Variants in ARHGAP31 observed in about 807,000 individuals in gnomAD.
The protein encoded by ARHGAP31 is rho GTPase-activating protein 31.
A neutral mutation model predicts 113.9 loss-of-function variants in ARHGAP31; 34 were observed. That is an observed-to-expected ratio of 0.30 (90% CI 0.23 to 0.40). ARHGAP31 has a LOEUF of 0.40. Among genes scored for constraint, ARHGAP31 ranks in the 10% least tolerant of loss-of-function variants. The pLI is 1.00. For synonymous variants in ARHGAP31, 650 were observed against 684.8 expected (o/e 0.95, Z 0.79); for missense variants, 1,548 against 1,767.1 (o/e 0.88, Z 2.22).
chr3:119,341,839 T>C (rs2080010957), intron 1 of ARHGAP31: 1 of 151,568 alleles, frequency 6.6e-6, no homozygotes, highest in Admixed American at 6.6e-5. Flanking sequence ...TTTTTTTTAA[T>C]ATGGAACGCT....
chr3:119,300,051 T>C (rs952483723), intron 1 of ARHGAP31, among the ~76,000 whole-genome samples: 3 of 152,222 alleles, frequency 2.0e-5, no homozygotes, highest in South Asian at 4.1e-4. Flanking sequence ...CAGGTGCCCC[T>C]GCTGGAGGAT....
chr3:119,347,489 C>T (rs183714147), intron 1 of ARHGAP31, among the ~76,000 whole-genome samples: 1 of 152,302 alleles, frequency 6.6e-6, no homozygotes, highest in Non-Finnish European at 1.5e-5. Flanking sequence ...TGGGTCACCC[C>T]ATGCCTGGAT....
At chr3:119,311,284 T>C (rs754333268) in intron 1 of ARHGAP31, among the ~76,000 whole-genome samples, 4 of 152,332 alleles carry the variant, frequency 2.6e-5, no homozygotes, top group South Asian at 4.1e-4. Flanking sequence ...GGTTTGTTTC[T>C]GCAGGCTCTA....
chr3:119,310,407 GGTGCAGACT>G (rs2079669472), intron 1 of ARHGAP31, among the ~76,000 whole-genome samples: 1 of 152,144 alleles, frequency 6.6e-6, no homozygotes, highest in Non-Finnish European at 1.5e-5. Flanking sequence ...TTGGTAATAT[GGTGCAGACT>G]GGGGGTCCCC....
At chr3:119,333,776 A>G (rs1008256909) in intron 1 of ARHGAP31, among the ~76,000 whole-genome samples, 1 of 152,194 alleles carries the variant, frequency 6.6e-6, no homozygotes, top group Non-Finnish European at 1.5e-5. Context: ...TCTTTTCACC[A>G]TGCTGCCTCT....
chr3:119,385,599 CA>C (rs2080442832), intron 6 of ARHGAP31, among the ~76,000 whole-genome samples: 1 of 152,094 alleles, frequency 6.6e-6, no homozygotes. Flanking sequence ...TTTGAGCCCA[CA>C]AAAAATTTAT....
At chr3:119,297,087 C>T (rs1396399649) in intron 1 of ARHGAP31, among the ~76,000 whole-genome samples, 1 of 152,264 alleles carries the variant, frequency 6.6e-6, no homozygotes, top group Admixed American at 6.5e-5. Context: ...ATGATCCACA[C>T]ACTGTTATTG....
At chr3:119,351,984 A>C (rs2107617037) in intron 1 of ARHGAP31, among the ~76,000 whole-genome samples, 1 of 152,294 alleles carries the variant, frequency 6.6e-6, no homozygotes, top group South Asian at 2.1e-4. Context: ...CTGGGGATTG[A>C]CTGAGATCTT....
chr3:119,389,464 C>T (rs986891244), intron 6 of ARHGAP31, among the ~76,000 whole-genome samples: 4 of 152,106 alleles, frequency 2.6e-5, no homozygotes, highest in Non-Finnish European at 5.9e-5. Flanking sequence ...ATTTTTAACC[C>T]TCTTTGGATC....
rs114597100 is a variant in ARHGAP31 at position 119,382,914 on chromosome 3, G to A, written c.540-170G>A. Among the ~76,000 whole-genome samples, 1,739 of 152,224 alleles carry A rather than the reference G, an allele frequency of 0.011. 32 individuals carry two copies. Among genetic ancestry groups the A allele is most frequent in the African/African-American group, 0.038 (1,588 of 41,528 alleles). ...TGTTTCAAATTTGTTCAGTTTATTG[G>A]GCTTCACAGCCTTTGGAGAGTTCCT... On this transcript the variant is annotated intron_variant, in intron 5 of 11. Coordinates refer to ENST00000264245, the MANE Select transcript of ARHGAP31 (RefSeq NM_020754.4).
In ARHGAP31 at chr3:119,332,418, T is replaced by C. The variant is rs191688608; in HGVS notation, c.101-32898T>C. 3.5e-3 allele frequency among the ~76,000 whole-genome samples: 538 copies of C among 152,134 alleles called. 6 individuals carry two copies. The highest frequency in any genetic ancestry group is 0.013 in the African/African-American group (526 of 41,506). On this transcript the variant is annotated intron_variant, in intron 1 of 11. Transcript: ENST00000264245. ...TTTCATCATGTTGGCCAGGCTGGTC[T>C]TGAACTCCTGACCTCAGGTGATCCA...
In ARHGAP31 at chr3:119,409,457, G is replaced by A. The variant is rs561375887; in HGVS notation, c.1646-39G>A. On this transcript the variant is annotated intron_variant, in intron 10 of 11. Transcript: ENST00000264245. The stretch of plus-strand genomic sequence containing the variant: ...TGTTGGGAAGAGTCTCTCTTGAAAT[G>A]AAGTCTCCTTTAACTGATAACTCTC... 39 of 1,612,308 alleles carry A rather than the reference G, an allele frequency of 2.4e-5. No homozygotes were observed. The South Asian group carries it at 4.2e-4, about 17-fold the overall frequency.
chr3:119,295,097 A>C (rs1282499114), intron 1 of ARHGAP31, 93 bp downstream of exon 1: 3 of 1,190,822 alleles, frequency 2.5e-6, no homozygotes, highest in Non-Finnish European at 3.7e-6. Context: ...TCGGTTCACA[A>C]GTTAATGTAT....
Position 119,294,641 on chromosome 3 carries a change from A to C in ARHGAP31, c.-264A>C. On this transcript the variant is annotated 5_prime_UTR_variant, in exon 1 of 12. Coordinates refer to ENST00000264245, the MANE Select transcript of ARHGAP31 (RefSeq NM_020754.4). Reference sequence around the variant, plus strand: ...CTAGGACTCCAAGTGAGGAAGTGACACTCCCAGGCGAGCCGGCCCGCGGCT... The same window carrying C: ...CTAGGACTCCAAGTGAGGAAGTGACCCTCCCAGGCGAGCCGGCCCGCGGCT... The C allele has an allele frequency of 1.8e-6, 1 of 559,536 alleles. No individual in the cohort carries two copies. 34.7% of individuals were successfully genotyped at this position (559,536 alleles called of 1,614,324 possible).
intron 3 of ARHGAP31, among the ~76,000 whole-genome samples, chr3:119,373,211 CA>C (rs934543816): frequency 4.1e-4 from 63 of 152,002 alleles, no homozygotes; most frequent in African/African-American, 1.5e-3. Flanking sequence ...ATAAAGATGA[CA>C]GGGGATTAAT....
intron 1 of ARHGAP31, among the ~76,000 whole-genome samples, chr3:119,339,058 T>C (rs546663076): frequency 6.6e-6 from 1 of 151,768 alleles, no homozygotes; most frequent in African/African-American, 2.4e-5. Context: ...ATTTGGGGAG[T>C]TTGAATAAGA....
At chr3:119,361,644 AG>A (rs1464746929) in intron 1 of ARHGAP31, among the ~76,000 whole-genome samples, 1 of 152,186 alleles carries the variant, frequency 6.6e-6, no homozygotes, top group African/African-American at 2.4e-5. Context: ...GGCCTCCCAA[AG>A]TGCTGGGATT....
intron 3 of ARHGAP31, among the ~76,000 whole-genome samples, chr3:119,376,254 T>C (rs1000403546): frequency 6.6e-6 from 1 of 152,140 alleles, no homozygotes; most frequent in East Asian, 1.9e-4. Context: ...TTCGGGAGGC[T>C]GAGGTGGGCG....
chr3:119,315,308 T>G (rs2079719750), intron 1 of ARHGAP31, among the ~76,000 whole-genome samples: 2 of 152,248 alleles, frequency 1.3e-5, no homozygotes, highest in South Asian at 4.1e-4. Flanking sequence ...TTTACTTTGA[T>G]TTCATTATCA....
Sources: allele counts gnomAD v4.1 joint callset (sites outside exome capture counted in the v4.1 genomes callset), GRCh38; gene constraint gnomAD v4.1.1; transcripts MANE v1.5; gene names NCBI Gene and HGNC (gene_info 2026-07-23, HGNC 2026-07-21).